The following GHR variants were observed in gnomAD, a reference collection of about 807,000 sequenced individuals.
GHR encodes GH receptor.
In GHR, 35 loss-of-function variants were observed where a neutral mutation model predicts 67.1. The observed-to-expected ratio is 0.52, with a 90% CI of 0.40 to 0.69. GHR has a LOEUF of 0.69. Among genes scored for constraint, GHR ranks in the 30% least tolerant of loss-of-function variants. GHR has a pLI of 0.00. For missense variants in GHR, 792 were observed against 764.6 expected (o/e 1.04, Z -0.42); for synonymous variants, 272 against 269.1 (o/e 1.01, Z -0.10).
chr5:42,497,606 A>G (rs948567807), intron 1 of GHR, among the ~76,000 whole-genome samples: 2 of 152,158 alleles, frequency 1.3e-5, no homozygotes, highest in African/African-American at 4.8e-5. Flanking sequence ...CTTTCTCACT[A>G]CAAGGGCATT....
chr5:42,513,238 A>G (rs35185573), intron 1 of GHR, among the ~76,000 whole-genome samples: 40,474 of 152,106 alleles, frequency 0.27, 5,828 homozygotes, highest in African/African-American at 0.29. Context: ...GTGTAGGAGC[A>G]GTTATTTGGG....
chr5:42,657,419 G>A (rs1048679940), intron 3 of GHR, among the ~76,000 whole-genome samples: 6 of 152,120 alleles, frequency 3.9e-5, no homozygotes, highest in African/African-American at 1.4e-4. Context: ...GGCTTCTCTA[G>A]TTCTTCTAAG....
chr5:42,487,453 A>G (rs900984444), intron 1 of GHR, among the ~76,000 whole-genome samples: 2 of 152,218 alleles, frequency 1.3e-5, no homozygotes, highest in Non-Finnish European at 2.9e-5. Context: ...AAATTTGCTA[A>G]TAAAGATTAT....
At chr5:42,462,775 A>G (rs1428879917) in intron 1 of GHR, among the ~76,000 whole-genome samples, 1 of 152,030 alleles carries the variant, frequency 6.6e-6, no homozygotes, top group Non-Finnish European at 1.5e-5. Flanking sequence ...CAAGGTTGTA[A>G]TGTCAGCACT....
At chr5:42,495,706 A>G (rs1018154652) in intron 1 of GHR, among the ~76,000 whole-genome samples, 3 of 152,120 alleles carry the variant, frequency 2.0e-5, no homozygotes, top group Non-Finnish European at 4.4e-5. Context: ...TTTCAATTTC[A>G]AGAAGAAACA....
chr5:42,584,785 A>G (rs1057072613), intron 2 of GHR, among the ~76,000 whole-genome samples: 15 of 126,134 alleles, frequency 1.2e-4, no homozygotes, highest in African/African-American at 5.3e-4. Flanking sequence ...ACTAGAATGT[A>G]TACACACACA....
chr5:42,499,290 G>C (rs907987884), intron 1 of GHR, among the ~76,000 whole-genome samples: 1 of 152,176 alleles, frequency 6.6e-6, no homozygotes, highest in African/African-American at 2.4e-5. Context: ...CTCTAGCTGG[G>C]TAGGGAATTG....
chr5:42,563,007 G>C (rs747044898), intron 1 of GHR, among the ~76,000 whole-genome samples: 16 of 152,120 alleles, frequency 1.1e-4, no homozygotes, highest in Admixed American at 2.6e-4. Flanking sequence ...CAAAAGTTTG[G>C]GGATTGGAGG....
intron 1 of GHR, among the ~76,000 whole-genome samples, chr5:42,425,757 C>T (rs1383564803): frequency 1.3e-5 from 2 of 152,190 alleles, no homozygotes; most frequent in Admixed American, 6.5e-5. Flanking sequence ...CATCTTCTTC[C>T]ACCCTTATAA....
intron 1 of GHR, among the ~76,000 whole-genome samples, chr5:42,466,166 T>C (rs746946671): frequency 2.0e-5 from 3 of 152,108 alleles, no homozygotes; most frequent in Non-Finnish European, 4.4e-5. Flanking sequence ...CAAATGACTA[T>C]AGCTGGCGTG....
chr5:42,484,915 G>A (rs1745810579), intron 1 of GHR, among the ~76,000 whole-genome samples: 1 of 152,148 alleles, frequency 6.6e-6, no homozygotes, highest in Admixed American at 6.5e-5. Context: ...ATCCATGTCA[G>A]GAGTATGAAA....
intron 1 of GHR, among the ~76,000 whole-genome samples, chr5:42,529,274 G>A (rs967987310): frequency 2.0e-5 from 3 of 152,096 alleles, no homozygotes; most frequent in African/African-American, 7.2e-5. Flanking sequence ...GCATCCCAAA[G>A]TGCTGGTATT....
At chr5:42,568,439 G>T (rs1334796762) in intron 2 of GHR, among the ~76,000 whole-genome samples, 2 of 152,138 alleles carry the variant, frequency 1.3e-5, no homozygotes, top group African/African-American at 2.4e-5. Context: ...AATCAGGAAT[G>T]ATCCACAATG....
chr5:42,496,920 C>T (rs897258336), intron 1 of GHR, among the ~76,000 whole-genome samples: 3 of 152,134 alleles, frequency 2.0e-5, no homozygotes, highest in Non-Finnish European at 4.4e-5. Context: ...AAGTTATTTG[C>T]AGAAGAGGAA....
At chr5:42,605,262 C>T (rs1049886350) in intron 2 of GHR, among the ~76,000 whole-genome samples, 1 of 151,886 alleles carries the variant, frequency 6.6e-6, no homozygotes, top group Non-Finnish European at 1.5e-5. Flanking sequence ...CACCAACACG[C>T]CCGGCTAATT....
At chr5:42,647,013 C>T (rs1754765777) in intron 3 of GHR, among the ~76,000 whole-genome samples, 2 of 152,132 alleles carry the variant, frequency 1.3e-5, no homozygotes, top group Admixed American at 6.5e-5. Flanking sequence ...CTGTTACCAA[C>T]AGAGGAGGTA....
chr5:42,658,759 T>A (rs550724175), intron 3 of GHR, among the ~76,000 whole-genome samples: 8 of 152,266 alleles, frequency 5.3e-5, no homozygotes, highest in Non-Finnish European at 1.2e-4. Context: ...ATGATAAGCA[T>A]TCTCTAATGC....
At chr5:42,620,176 C>T (rs1753370988) in intron 2 of GHR, among the ~76,000 whole-genome samples, 1 of 152,054 alleles carries the variant, frequency 6.6e-6, no homozygotes, top group Non-Finnish European at 1.5e-5. Flanking sequence ...TCCAAAAGGA[C>T]ACTTGTTATA....
chr5:42,717,095 GC>G (rs1758759458), intron 8 of GHR, among the ~76,000 whole-genome samples: 1 of 152,134 alleles, frequency 6.6e-6, no homozygotes, highest in Non-Finnish European at 1.5e-5. Flanking sequence ...TTGCCCTGAG[GC>G]CAGGAGTTCC....
Sources: allele counts gnomAD v4.1 joint callset (sites outside exome capture counted in the v4.1 genomes callset), GRCh38; gene constraint gnomAD v4.1.1; transcripts MANE v1.5; gene names NCBI Gene and HGNC (gene_info 2026-07-23, HGNC 2026-07-21).